Variants in STX8 observed in about 807,000 individuals in gnomAD.
STX8 encodes the protein syntaxin 8, also known as syntaxin-8.
A neutral mutation model predicts 37.5 loss-of-function variants in STX8; 23 were observed. The ratio of observed to expected loss-of-function variants is 0.61; its 90% CI spans 0.44 to 0.87. The LOEUF (loss-of-function observed/expected upper bound fraction) is 0.87. Ranked by LOEUF, STX8 falls within the 40% of genes least tolerant of loss-of-function variation. The pLI is 0.00. For missense variants in STX8, 313 were observed against 284.7 expected (o/e 1.10, Z -0.71); for synonymous variants, 115 against 99.1 (o/e 1.16, Z -0.95).
chr17:9,572,019 C>T (rs956360354), intron 1 of STX8, among the ~76,000 whole-genome samples: 3 of 152,036 alleles, frequency 2.0e-5, no homozygotes, highest in South Asian at 2.1e-4. Flanking sequence ...GCCCATTATA[C>T]TATTCTAGTT....
intron 2 of STX8, among the ~76,000 whole-genome samples, chr17:9,567,185 A>G (rs1383985405): frequency 6.6e-6 from 1 of 152,178 alleles, no homozygotes; most frequent in Non-Finnish European, 1.5e-5. Flanking sequence ...GAGGATTAGG[A>G]AAAATAGTAA....
At chr17:9,498,749 A>G (rs1904504603) in intron 5 of STX8, among the ~76,000 whole-genome samples, 1 of 152,210 alleles carries the variant, frequency 6.6e-6, no homozygotes, top group South Asian at 2.1e-4. Context: ...AAGAACATCT[A>G]TAGAAAATTC....
intron 1 of STX8, among the ~76,000 whole-genome samples, chr17:9,570,431 C>CACATATATCATATATATCACTGAT (rs1410694742): frequency 6.6e-6 from 1 of 151,926 alleles, no homozygotes; most frequent in African/African-American, 2.4e-5. Flanking sequence ...CACACACATT[C>CACATATATCATATATATCACTGAT]ACATATATCA....
chr17:9,481,023 T>G lies in STX8; in HGVS notation c.541+10806A>C, dbSNP rs148442624. 8.1e-3 allele frequency among the ~76,000 whole-genome samples: 1,230 copies of G among 152,244 alleles called. 13 individuals are homozygous for G. Among genetic ancestry groups the G allele is most frequent in the African/African-American group, 0.028 (1,179 of 41,548 alleles). On this transcript the variant is annotated intron_variant, in intron 6 of 7. Transcript: ENST00000306357. ...CCTCAGCCTCCCGAGTAGCTGGAAC[T>G]ACAGGCACCCGCCACCACACCTGGC...
At chr17:9,398,087 C>T (rs1405286160) in intron 6 of STX8, among the ~76,000 whole-genome samples, 4 of 151,890 alleles carry the variant, frequency 2.6e-5, no homozygotes, top group Non-Finnish European at 4.4e-5. Flanking sequence ...AAATACTCCA[C>T]TGTCAAGGAA....
chr17:9,271,008 C>A (rs1005790176), intron 7 of STX8, among the ~76,000 whole-genome samples: 1 of 152,180 alleles, frequency 6.6e-6, no homozygotes, highest in Admixed American at 6.5e-5. Flanking sequence ...ATGTTTCATT[C>A]ATTCCTTGTA....
intron 6 of STX8, among the ~76,000 whole-genome samples, chr17:9,399,327 T>C (rs914519469): frequency 2.0e-5 from 3 of 152,130 alleles, no homozygotes. Flanking sequence ...AAGGTACTGT[T>C]TCCATTCATC....
intron 7 of STX8, among the ~76,000 whole-genome samples, chr17:9,303,618 T>C (rs951841242): frequency 6.6e-6 from 1 of 152,342 alleles, no homozygotes; most frequent in Non-Finnish European, 1.5e-5. Context: ...ATTTTAGATC[T>C]ATATCCAGCC....
intron 7 of STX8, among the ~76,000 whole-genome samples, chr17:9,252,770 C>T (rs1039418434): frequency 2.6e-5 from 4 of 152,180 alleles, no homozygotes; most frequent in Admixed American, 6.5e-5. Flanking sequence ...GTTTCTCCCC[C>T]GTCTTCCTGT....
intron 3 of STX8, chr17:9,552,816 C>A (rs1379738831): frequency 1.3e-5 from 2 of 152,010 alleles, no homozygotes; most frequent in Admixed American, 1.3e-4. Flanking sequence ...CCACGCCCGG[C>A]TAATTTTTTT....
At chr17:9,374,875 G>A (rs1911530575) in intron 7 of STX8, among the ~76,000 whole-genome samples, 1 of 151,682 alleles carries the variant, frequency 6.6e-6, no homozygotes, top group Admixed American at 6.6e-5. Flanking sequence ...ACCAGCCTGG[G>A]CAACATGGTG....
chr17:9,521,362 A>G (rs184447528), intron 4 of STX8, among the ~76,000 whole-genome samples: 1 of 152,210 alleles, frequency 6.6e-6, no homozygotes, highest in Non-Finnish European at 1.5e-5. Context: ...ATAGGGAATA[A>G]AGATTGCCAA....
intron 6 of STX8, among the ~76,000 whole-genome samples, chr17:9,425,191 T>C (rs191774965): frequency 3.9e-5 from 6 of 152,332 alleles, no homozygotes; most frequent in Non-Finnish European, 7.4e-5. Context: ...AGCTGGCTTT[T>C]TGTCTGAAAC....
At chr17:9,304,669 T>C (rs1908907014) in intron 7 of STX8, among the ~76,000 whole-genome samples, 1 of 152,044 alleles carries the variant, frequency 6.6e-6, no homozygotes, top group South Asian at 2.1e-4. Context: ...TGAAATAATA[T>C]TTTTTCCTCT....
chr17:9,506,792 C>T (rs937116607), intron 4 of STX8, among the ~76,000 whole-genome samples: 2 of 152,076 alleles, frequency 1.3e-5, no homozygotes, highest in Non-Finnish European at 2.9e-5. Context: ...TAGGAGCATT[C>T]CCCACTCCCC....
intron 7 of STX8, among the ~76,000 whole-genome samples, chr17:9,314,750 GC>G (rs1386658031): frequency 6.6e-6 from 1 of 150,506 alleles, no homozygotes; most frequent in African/African-American, 2.4e-5. Context: ...AATATCCTAA[GC>G]CCCCCAGCCG....
chr17:9,284,594 A>G (rs561942006), intron 7 of STX8, among the ~76,000 whole-genome samples: 1 of 152,044 alleles, frequency 6.6e-6, no homozygotes, highest in Non-Finnish European at 1.5e-5. Context: ...TGTTTAAAAA[A>G]TTTTTTTTCT....
chr17:9,491,417 A>G (rs935477365), intron 6 of STX8, among the ~76,000 whole-genome samples: 28 of 152,102 alleles, frequency 1.8e-4, no homozygotes, highest in African/African-American at 6.5e-4. Context: ...CTGAACAAAG[A>G]TCTTCAAACC....
intron 7 of STX8, among the ~76,000 whole-genome samples, chr17:9,333,606 G>A (rs141192226): frequency 5.3e-5 from 8 of 152,094 alleles, no homozygotes; most frequent in Non-Finnish European, 1.0e-4. Context: ...AGCCAGGATG[G>A]TCTGGATCTC....
Sources: gnomAD v4.1 joint callset for allele counts (sites outside exome capture counted in the v4.1 genomes callset) on GRCh38, gnomAD v4.1.1 for gene constraint, MANE v1.5 for transcripts, NCBI Gene and HGNC (gene_info 2026-07-23, HGNC 2026-07-21) for gene names.